The following CCDC178 variants were observed in gnomAD, a reference collection of about 807,000 sequenced individuals.
The protein encoded by CCDC178 is coiled-coil domain containing 178.
CCDC178 carries 126 observed loss-of-function variants against 117.4 expected under a neutral mutation model. The ratio of observed to expected loss-of-function variants is 1.07; its 90% CI spans 0.93 to 1.24. CCDC178 has a LOEUF of 1.24. CCDC178 is among the 50% of genes most tolerant of loss of function. The pLI is 0.00. For missense variants in CCDC178, 1,030 were observed against 986.9 expected, an observed-to-expected ratio of 1.04 and a Z score of -0.59; for synonymous variants, 283 against 313.4, an observed-to-expected ratio of 0.90 and a Z score of 1.02.
At chr18:33,292,976 G>C (rs1475780125) in intron 12 of CCDC178, among the ~76,000 whole-genome samples, 183 bp downstream of exon 12, 12 of 152,006 alleles carry the variant, frequency 7.9e-5, no homozygotes, top group Admixed American at 7.9e-4. Context: ...GATAATAAAT[G>C]GGTCCTGTTT....
At chr18:32,940,490 A>T (rs1334800431) in intron 22 of CCDC178, among the ~76,000 whole-genome samples, 1 of 151,868 alleles carries the variant, frequency 6.6e-6, no homozygotes, top group South Asian at 2.1e-4. Flanking sequence ...ATTATGAATT[A>T]TTATTATTAT....
At chr18:33,371,757 C>A (rs968093703) in intron 5 of CCDC178, among the ~76,000 whole-genome samples, 8 of 146,788 alleles carry the variant, frequency 5.5e-5, no homozygotes, top group African/African-American at 2.0e-4. Context: ...TACAGTCCAT[C>A]TTTCCTCTTT....
intron 12 of CCDC178, among the ~76,000 whole-genome samples, chr18:33,278,375 T>A (rs2144811682): frequency 6.6e-6 from 1 of 150,740 alleles, no homozygotes; most frequent in East Asian, 1.9e-4. Context: ...ACTTCTCTAT[T>A]TTTGGCTACA....
chr18:33,391,691 A>T (rs975181521), intron 4 of CCDC178, among the ~76,000 whole-genome samples: 3 of 152,138 alleles, frequency 2.0e-5, no homozygotes, highest in Non-Finnish European at 2.9e-5. Flanking sequence ...TCCATGTCAT[A>T]AAAAATATGT....
intron 21 of CCDC178, among the ~76,000 whole-genome samples, chr18:33,014,103 T>A (rs1045549689): frequency 5.3e-5 from 8 of 152,170 alleles, no homozygotes; most frequent in African/African-American, 1.9e-4. Flanking sequence ...CTATTCCCAT[T>A]CTCCTACTTC....
chr18:33,410,073 A>G (rs1415174615), intron 3 of CCDC178, among the ~76,000 whole-genome samples: 1 of 152,232 alleles, frequency 6.6e-6, no homozygotes, highest in Non-Finnish European at 1.5e-5. Context: ...GTCATGCTTA[A>G]TATGATTGAC....
chr18:33,234,524 G>C (rs1296067757), intron 15 of CCDC178, among the ~76,000 whole-genome samples: 1 of 152,054 alleles, frequency 6.6e-6, no homozygotes, highest in Non-Finnish European at 1.5e-5. Flanking sequence ...GAGCTTCTAA[G>C]CAGCTTAACT....
intron 3 of CCDC178, among the ~76,000 whole-genome samples, chr18:33,410,921 TGG>T (rs2063842066): frequency 6.6e-6 from 1 of 152,134 alleles, no homozygotes; most frequent in Admixed American, 6.5e-5. Context: ...AATAGTATGC[TGG>T]AATATGAGAG....
At chr18:33,004,215 G>C (rs771737256) in intron 21 of CCDC178, among the ~76,000 whole-genome samples, 2 of 151,984 alleles carry the variant, frequency 1.3e-5, no homozygotes, top group Non-Finnish European at 2.9e-5. Context: ...AGAATAGTCA[G>C]AGCTATCATG....
intron 9 of CCDC178, among the ~76,000 whole-genome samples, chr18:33,345,105 G>T (rs2062872629): frequency 6.6e-6 from 1 of 152,010 alleles, no homozygotes; most frequent in Non-Finnish European, 1.5e-5. Flanking sequence ...GTTGGTCTGG[G>T]TAATAACTAA....
chr18:33,274,530 C>CA lies in CCDC178; in HGVS notation c.1177-7234dup, dbSNP rs2059925096. On this transcript the variant is annotated intron_variant, in intron 12 of 22. Transcript: ENST00000383096. ...ATCCATCTACTAAAGAATGGATAAA[C>CA]AAAATGTAATGTACTTAGAAAATGG... 2.0e-5 allele frequency among the ~76,000 whole-genome samples: 3 copies of CA among 151,698 alleles called. No homozygotes were observed. In the East Asian group the frequency reaches 5.8e-4, roughly 29 times the overall value.
At chr18:33,216,023 A>G (rs1194812487) in intron 18 of CCDC178, among the ~76,000 whole-genome samples, 1 of 151,998 alleles carries the variant, frequency 6.6e-6, no homozygotes, top group Non-Finnish European at 1.5e-5. Context: ...ACTTTAGTAT[A>G]GGAGGTCAAG....
At position 33,212,026 on chromosome 18, in the gene CCDC178, CT is replaced by C. The variant is rs2144590587; in HGVS notation, c.2107del (p.Arg703GlyfsTer35). The C allele has an allele frequency of 1.3e-6, 2 of 1,594,508 alleles. No homozygotes were observed. Among genetic ancestry groups the C allele is most frequent in the East Asian group, 2.3e-5 (1 of 44,184 alleles). The part of the protein sequence containing the change: ...KNKFITMRFK[R>X]EHAQTVFDHY... ...ATCAAACACAGTTTGTGCATGTTCC[CT>C]TTTAAATCTCATAGTTATAAATTTG... On this transcript the variant is annotated frameshift_variant, in exon 20 of 23. Coordinates refer to ENST00000383096, the MANE Select transcript of CCDC178 (RefSeq NM_001105528.4). LOFTEE classifies it high-confidence loss of function.
chr18:33,064,754 A>C (rs572484849), intron 21 of CCDC178, among the ~76,000 whole-genome samples: 1 of 152,338 alleles, frequency 6.6e-6, no homozygotes, highest in African/African-American at 2.4e-5. Flanking sequence ...TTGAAGAGCT[A>C]TCTGTACTCC....
chr18:33,059,798 T>C (rs1018200109), intron 21 of CCDC178, among the ~76,000 whole-genome samples: 3 of 152,188 alleles, frequency 2.0e-5, no homozygotes, highest in African/African-American at 7.2e-5. Flanking sequence ...AAGGGTAATT[T>C]CTCTAAAACA....
intron 22 of CCDC178, among the ~76,000 whole-genome samples, chr18:32,952,924 C>G (rs895560670): frequency 5.3e-5 from 8 of 151,948 alleles, no homozygotes; most frequent in African/African-American, 9.7e-5. Flanking sequence ...AGGCACCCAC[C>G]ACCATGCCTG....
intron 21 of CCDC178, among the ~76,000 whole-genome samples, chr18:33,085,574 T>G (rs945972592): frequency 6.6e-6 from 1 of 152,046 alleles, no homozygotes; most frequent in East Asian, 1.9e-4. Context: ...AAAAAATAAA[T>G]AAATAAAAAA....
chr18:33,259,386 C>T (rs1025817357), intron 14 of CCDC178, among the ~76,000 whole-genome samples: 1 of 152,098 alleles, frequency 6.6e-6, no homozygotes, highest in Admixed American at 6.6e-5. Context: ...TAAAGAACTA[C>T]CTGAGACTGG....
chr18:33,358,116 A>G (rs1235444392), intron 6 of CCDC178, among the ~76,000 whole-genome samples: 1 of 152,050 alleles, frequency 6.6e-6, no homozygotes, highest in African/African-American at 2.4e-5. Context: ...GTGTATCTAA[A>G]TATATCAAAA....
Sources: gnomAD v4.1 joint callset for allele counts (sites outside exome capture counted in the v4.1 genomes callset) on GRCh38, gnomAD v4.1.1 for gene constraint, MANE v1.5 for transcripts, NCBI Gene and HGNC (gene_info 2026-07-23, HGNC 2026-07-21) for gene names.